The following BCR variants were observed in gnomAD, a reference collection of about 807,000 sequenced individuals.
The protein encoded by BCR is BCR activator of RhoGEF and GTPase, also known as breakpoint cluster region protein.
BCR carries 58 observed loss-of-function variants against 138.6 expected under a neutral mutation model. That is an observed-to-expected ratio of 0.42 (90% CI 0.34 to 0.52). The LOEUF is 0.52. Ranked by LOEUF, BCR falls within the 20% of genes least tolerant of loss-of-function variation. BCR has a pLI of 0.06. For synonymous variants in BCR, 786 were observed against 730.1 expected (o/e 1.08, Z -1.23); for missense variants, 1,599 against 1,727.2 (o/e 0.93, Z 1.32).
rs866281276 is a variant in BCR at position 23,299,320 on chromosome 22, A to G, written c.3012+4165A>G. On this transcript the variant is annotated intron_variant, in intron 16 of 22. Transcript: ENST00000305877. ...TAGGGGCTACGTAAGTTTCTCTCCTATGGGCGCCTCTGCCACATGGACCAT... is the reference window on the plus strand; with the variant it reads ...TAGGGGCTACGTAAGTTTCTCTCCTGTGGGCGCCTCTGCCACATGGACCAT... Among the ~76,000 whole-genome samples, 3 of 152,242 alleles carry G rather than the reference A, an allele frequency of 2.0e-5. No homozygotes were observed. In the South Asian group the frequency reaches 6.2e-4, roughly 32 times the overall value.
chr22:23,241,970 C>T (rs567931829), intron 1 of BCR, among the ~76,000 whole-genome samples: 229 of 152,310 alleles, frequency 1.5e-3, no homozygotes, highest in Middle Eastern at 6.8e-3. Context: ...TATCCCCTTT[C>T]CCAGCTGTAC....
At chr22:23,212,714 G>A (rs2072700674) in intron 1 of BCR, among the ~76,000 whole-genome samples, 1 of 152,210 alleles carries the variant, frequency 6.6e-6, no homozygotes, top group Admixed American at 6.5e-5. Context: ...AACACACACA[G>A]CTTCCATGGG....
In BCR at chr22:23,287,415, A is replaced by G. The variant is rs7292656; in HGVS notation, c.2526+137A>G. On this transcript the variant is annotated intron_variant, in intron 11 of 22. Coordinates refer to ENST00000305877, the MANE Select transcript of BCR (RefSeq NM_004327.4). ...TCCGGCATGGTGCATGCAAGCACGC[A>G]CATTCCTTTGTCTGGGGCTTTGGGC... 278 of 1,344,670 alleles carry G rather than the reference A, an allele frequency of 2.1e-4. 1 individual carries two copies. Among genetic ancestry groups the G allele is most frequent in the Non-Finnish European group, 2.6e-4 (270 of 1,020,644 alleles). 83.3% of individuals were successfully genotyped at this position (1,344,670 alleles called of 1,614,324 possible). A position where few individuals can be genotyped will look rare whatever the true frequency, so the allele number is the denominator to read the frequency against.
intron 1 of BCR, among the ~76,000 whole-genome samples, chr22:23,194,569 C>T (rs912623343): frequency 1.3e-5 from 2 of 152,010 alleles, no homozygotes; most frequent in Admixed American, 6.6e-5. Flanking sequence ...TGCCACAACG[C>T]CCAGCTAATT....
chr22:23,303,015 A>G (rs2073919441), intron 16 of BCR, among the ~76,000 whole-genome samples: 1 of 146,318 alleles, frequency 6.8e-6, no homozygotes, highest in Non-Finnish European at 1.5e-5. Context: ...CTCAACCGTC[A>G]AGGCTGCATG....
In BCR at chr22:23,273,150, C is replaced by T. The variant is rs778857250; in HGVS notation, c.1974+17C>T. 6 of 1,611,862 alleles carry T rather than the reference C, an allele frequency of 3.7e-6. 1 individual carries two copies. The highest frequency in any genetic ancestry group is 2.2e-5 in the South Asian group (2 of 91,032). ...GTCCTCCATGTAAGTCACAGCGCCC[C>T]TCTGGACCGGGACCAAAACTGCCCC... On this transcript the variant is annotated intron_variant, in intron 7 of 22. Coordinates refer to ENST00000305877, the MANE Select transcript of BCR (RefSeq NM_004327.4).
chr22:23,271,526 C>T lies in BCR; in HGVS notation c.1861-6C>T, dbSNP rs373252047. 24 of 1,614,014 alleles carry T rather than the reference C, an allele frequency of 1.5e-5. No homozygotes were observed. In the South Asian group the frequency reaches 1.9e-4, roughly 13 times the overall value. On this transcript the variant is annotated splice_region_variant and splice_polypyrimidine_tract_variant and intron_variant, in intron 5 of 22. Coordinates refer to ENST00000305877, the MANE Select transcript of BCR (RefSeq NM_004327.4). ...TCTGTGTGAACATGCGCTTTTCTCT[C>T]TGCAGAACCTGAGAGCCAGAAGCAA...
intron 1 of BCR, among the ~76,000 whole-genome samples, chr22:23,230,917 C>T (rs1157813094): frequency 6.6e-6 from 1 of 152,184 alleles, no homozygotes; most frequent in Admixed American, 6.5e-5. Flanking sequence ...GGGAATGTGG[C>T]CCCGGGGCCA....
At chr22:23,231,724 A>G (rs928518878) in intron 1 of BCR, among the ~76,000 whole-genome samples, 2 of 152,140 alleles carry the variant, frequency 1.3e-5, no homozygotes, top group African/African-American at 4.8e-5. Context: ...CCTTCCCTGG[A>G]TACTTGGGCA....
intron 12 of BCR, 63 bp downstream of exon 12, chr22:23,288,235 C>T: frequency 2.0e-6 from 3 of 1,503,742 alleles, no homozygotes; most frequent in African/African-American, 1.4e-5. Flanking sequence ...CTGGCAGCTC[C>T]TGTGGTTTTA....
intron 1 of BCR, among the ~76,000 whole-genome samples, chr22:23,199,928 C>CA (rs796683711): frequency 3.6e-4 from 53 of 148,344 alleles, no homozygotes; most frequent in Non-Finnish European, 4.3e-4. Context: ...ACTAAAAATA[C>CA]AAAAAAAAAA....
At chr22:23,207,545 C>T (rs2072631474) in intron 1 of BCR, among the ~76,000 whole-genome samples, 1 of 152,162 alleles carries the variant, frequency 6.6e-6, no homozygotes, top group East Asian at 1.9e-4. Flanking sequence ...ATCGCTTGAG[C>T]CCAGGAGTTT....
intron 12 of BCR, 110 bp from the exon 13 acceptor site, chr22:23,289,407 A>T: frequency 2.3e-6 from 2 of 866,580 alleles, no homozygotes; most frequent in Non-Finnish European, 3.7e-6. Context: ...CCCTGGCACC[A>T]GTTCTTGCCG....
intron 16 of BCR, among the ~76,000 whole-genome samples, chr22:23,300,792 T>A (rs1264256454): frequency 6.6e-6 from 1 of 152,130 alleles, no homozygotes; most frequent in Non-Finnish European, 1.5e-5. Flanking sequence ...GAGCACCAGC[T>A]TCAAATGAAG....
intron 1 of BCR, among the ~76,000 whole-genome samples, chr22:23,195,153 G>A (rs2072462549): frequency 1.3e-5 from 2 of 152,054 alleles, no homozygotes; most frequent in Admixed American, 1.3e-4. Context: ...GAGAGCAGTG[G>A]TTCACGCCTG....
At chr22:23,185,733 G>T (rs1224320896) in intron 1 of BCR, among the ~76,000 whole-genome samples, 28 of 148,428 alleles carry the variant, frequency 1.9e-4, no homozygotes, top group East Asian at 1.2e-3. Flanking sequence ...TTTTTTTGTT[G>T]TTGTTGTTTT....
Position 23,315,926 on chromosome 22 carries a change from A to T in BCR, c.*404A>T. ...CGTGACTGGATTCCCTCACTGTTGT[A>T]TCTTGAATAAACGCTGCTGCTTCAT... On this transcript the variant is annotated 3_prime_UTR_variant, in exon 23 of 23. Transcript: ENST00000305877. 1 of 401,758 alleles carries T rather than the reference A, an allele frequency of 2.5e-6. No individual in the cohort carries two copies. 24.9% of individuals were successfully genotyped at this position (401,758 alleles called of 1,614,324 possible).
At chr22:23,287,680 G>A (rs2073732355) in intron 11 of BCR, among the ~76,000 whole-genome samples, 1 of 152,228 alleles carries the variant, frequency 6.6e-6, no homozygotes, top group Non-Finnish European at 1.5e-5. Context: ...TCAATGTCCA[G>A]AATGGCTTGT....
intron 1 of BCR, among the ~76,000 whole-genome samples, chr22:23,241,947 C>G (rs2073097604): frequency 6.6e-6 from 1 of 152,208 alleles, no homozygotes; most frequent in Non-Finnish European, 1.5e-5. Flanking sequence ...TCTCTCCTCT[C>G]ACTGCCAGCC....
Sources: gnomAD v4.1 joint callset for allele counts (sites outside exome capture counted in the v4.1 genomes callset) on GRCh38, gnomAD v4.1.1 for gene constraint, MANE v1.5 for transcripts, NCBI Gene and HGNC (gene_info 2026-07-23, HGNC 2026-07-21) for gene names.